ADGRA3: variants seen among roughly 807,000 people sequenced by gnomAD.
The protein encoded by ADGRA3 is adhesion G protein-coupled receptor A3.
Under a neutral mutation model 119.8 loss-of-function variants are expected in ADGRA3, and 56 were observed. The observed-to-expected ratio is 0.47, with a 90% CI of 0.38 to 0.58. ADGRA3 has a LOEUF of 0.58. Ranked by LOEUF, ADGRA3 falls within the 20% of genes least tolerant of loss-of-function variation. ADGRA3 has a pLI of 0.00. For synonymous variants in ADGRA3, 607 were observed against 623.8 expected (o/e 0.97, Z 0.40); for missense variants, 1,516 against 1,649.0 (o/e 0.92, Z 1.40).
At chr4:22,422,578 T>C (rs77325502) in intron 11 of ADGRA3, among the ~76,000 whole-genome samples, 1 of 6,402 alleles carries the variant, frequency 1.6e-4, no homozygotes, top group Non-Finnish European at 9.1e-4. Context: ...GAAACCTTGG[T>C]TGAAAGAAAT....
chr4:22,500,857 G>A (rs1023411109), intron 1 of ADGRA3, among the ~76,000 whole-genome samples: 1 of 152,130 alleles, frequency 6.6e-6, no homozygotes, highest in Non-Finnish European at 1.5e-5. Flanking sequence ...TCCTCTTTAA[G>A]TAGACTGCCT....
At chr4:22,498,846 A>T (rs1313929954) in intron 1 of ADGRA3, among the ~76,000 whole-genome samples, 1 of 152,026 alleles carries the variant, frequency 6.6e-6, no homozygotes, top group Admixed American at 6.6e-5. Context: ...CCCGGCAGGT[A>T]GAGGTTTCAG....
chr4:22,470,868 TC>T (rs1717835490), intron 2 of ADGRA3, among the ~76,000 whole-genome samples: 1 of 152,094 alleles, frequency 6.6e-6, no homozygotes, highest in Non-Finnish European at 1.5e-5. Flanking sequence ...TGAGACTCAG[TC>T]CCTGGGGACT....
intron 7 of ADGRA3, among the ~76,000 whole-genome samples, chr4:22,440,859 G>C (rs1716584811): frequency 6.6e-6 from 1 of 152,156 alleles, no homozygotes; most frequent in Non-Finnish European, 1.5e-5. Context: ...AGTAAAACTA[G>C]TGTAACAATG....
chr4:22,445,602 T>TAAA (rs1362515240), intron 5 of ADGRA3, among the ~76,000 whole-genome samples: 1 of 152,206 alleles, frequency 6.6e-6, no homozygotes, highest in Non-Finnish European at 1.5e-5. Context: ...AACAGCAACC[T>TAAA]AAAGCAATAC....
intron 2 of ADGRA3, among the ~76,000 whole-genome samples, chr4:22,471,335 G>C (rs1717852396): frequency 6.6e-6 from 1 of 152,156 alleles, no homozygotes; most frequent in Admixed American, 6.5e-5. Context: ...GGAGGAGGGA[G>C]AGAAGCAGAA....
intron 1 of ADGRA3, among the ~76,000 whole-genome samples, chr4:22,495,886 G>A (rs1718804622): frequency 6.6e-6 from 1 of 151,894 alleles, no homozygotes; most frequent in Non-Finnish European, 1.5e-5. Flanking sequence ...TGCAGCCTGG[G>A]GGACAGAGCA....
chr4:22,415,883 G>C (rs1715408951), intron 12 of ADGRA3, among the ~76,000 whole-genome samples: 1 of 151,740 alleles, frequency 6.6e-6, no homozygotes, highest in South Asian at 2.1e-4. Flanking sequence ...ACATATTACT[G>C]GGTAACCAGA....
At chr4:22,494,829 T>C (rs947758924) in intron 1 of ADGRA3, among the ~76,000 whole-genome samples, 4 of 151,956 alleles carry the variant, frequency 2.6e-5, no homozygotes, top group African/African-American at 9.7e-5. Flanking sequence ...GAAAACTATA[T>C]ACAAAGAGAA....
chr4:22,503,291 C>T (rs904592474), intron 1 of ADGRA3, among the ~76,000 whole-genome samples: 1 of 152,198 alleles, frequency 6.6e-6, no homozygotes, highest in Non-Finnish European at 1.5e-5. Context: ...GTTTATCCAT[C>T]TTAAACACTG....
chr4:22,412,923 T>A (rs150600021), intron 14 of ADGRA3, among the ~76,000 whole-genome samples: 1 of 152,134 alleles, frequency 6.6e-6, no homozygotes, highest in Non-Finnish European at 1.5e-5. Flanking sequence ...AAAGACTAAC[T>A]GAACTGATTG....
chr4:22,514,692 C>T (rs1012516484), intron 1 of ADGRA3: 3 of 152,210 alleles, frequency 2.0e-5, no homozygotes, highest in Non-Finnish European at 2.9e-5. Context: ...CAAACCAATT[C>T]ATCCTTCTGA....
At chr4:22,505,330 C>G (rs1221782866) in intron 1 of ADGRA3, among the ~76,000 whole-genome samples, 1 of 152,180 alleles carries the variant, frequency 6.6e-6, no homozygotes, top group Non-Finnish European at 1.5e-5. Flanking sequence ...CTTGCAAATT[C>G]TCCTTTAGAA....
chr4:22,410,130 TAGAAAA>T (rs75997125), intron 14 of ADGRA3, among the ~76,000 whole-genome samples: 6,947 of 152,102 alleles, frequency 0.046, 390 homozygotes, highest in African/African-American at 0.14. Context: ...AAAGAATCAC[TAGAAAA>T]AGAAAATTAA....
chr4:22,459,504 G>A (rs971963992), intron 3 of ADGRA3, among the ~76,000 whole-genome samples: 2 of 151,838 alleles, frequency 1.3e-5, no homozygotes, highest in Admixed American at 6.6e-5. Flanking sequence ...GGTTTTAAAC[G>A]ACTAAATAAG....
Position 22,508,095 on chromosome 4 carries a change from G to A in ADGRA3, c.257+7433C>T, listed in dbSNP as rs116842569. Among the ~76,000 whole-genome samples, 48 of 152,210 alleles carry A rather than the reference G, an allele frequency of 3.2e-4. 1 individual carries two copies. Among genetic ancestry groups the A allele is most frequent in the East Asian group, 1.4e-3 (7 of 5,184 alleles). On this transcript the variant is annotated intron_variant, in intron 1 of 18. Coordinates refer to ENST00000334304, the MANE Select transcript of ADGRA3 (RefSeq NM_145290.4). ...CGTACCCACCCATACTCGAGGCGCT[G>A]TGCGAAGACAAGTCAGAGTCCTTGC...
chr4:22,511,805 C>T (rs11933281), intron 1 of ADGRA3, among the ~76,000 whole-genome samples: 5 of 152,030 alleles, frequency 3.3e-5, no homozygotes, highest in East Asian at 3.9e-4. Context: ...TCTCCAAACC[C>T]GTGGGCACCT....
chr4:22,403,659 T>C (rs913979443), intron 14 of ADGRA3, among the ~76,000 whole-genome samples: 4 of 152,020 alleles, frequency 2.6e-5, no homozygotes, highest in East Asian at 1.9e-4. Flanking sequence ...GGAGGATCAC[T>C]TGAGTCCAGG....
intron 2 of ADGRA3, among the ~76,000 whole-genome samples, chr4:22,462,377 GATCCT>G (rs1448960801): frequency 6.6e-6 from 1 of 152,080 alleles, no homozygotes; most frequent in African/African-American, 2.4e-5. Context: ...GCAGTGGCGT[GATCCT>G]GACTCACTGC....
Sources: allele counts gnomAD v4.1 joint callset (sites outside exome capture counted in the v4.1 genomes callset), GRCh38; gene constraint gnomAD v4.1.1; transcripts MANE v1.5; gene names NCBI Gene and HGNC (gene_info 2026-07-23, HGNC 2026-07-21).